Variants in CSGALNACT1 observed in about 807,000 individuals in gnomAD.
CSGALNACT1 encodes the protein chondroitin sulfate N-acetylgalactosaminyltransferase 1, also known as beta4GalNAcT-1.
In CSGALNACT1, 52 loss-of-function variants were observed where a neutral mutation model predicts 51.0. That is an observed-to-expected ratio of 1.02 (90% CI 0.82 to 1.29). The LOEUF (loss-of-function observed/expected upper bound fraction) is 1.29. Ranked by LOEUF, CSGALNACT1 falls within the 50% of genes most tolerant of loss-of-function variation. CSGALNACT1 has a pLI of 0.00. For missense variants in CSGALNACT1, 935 were observed against 679.2 expected (o/e 1.38, Z -4.19); for synonymous variants, 341 against 254.4 (o/e 1.34, Z -3.24).
At chr8:19,595,865 T>A (rs892211889) in intron 2 of CSGALNACT1, among the ~76,000 whole-genome samples, 1 of 60,768 alleles carries the variant, frequency 1.6e-5, no homozygotes, top group Non-Finnish European at 3.3e-5. Flanking sequence ...TAATGTATTT[T>A]TTTTTTTTTT....
chr8:19,463,215 G>C (rs909502407), intron 4 of CSGALNACT1, among the ~76,000 whole-genome samples: 1 of 152,054 alleles, frequency 6.6e-6, no homozygotes, highest in South Asian at 2.1e-4. Context: ...TCTTTATCCA[G>C]TCCACTGCTG....
intron 3 of CSGALNACT1, among the ~76,000 whole-genome samples, chr8:19,588,235 C>T (rs1463911170): frequency 6.6e-6 from 1 of 152,024 alleles, no homozygotes; most frequent in Non-Finnish European, 1.5e-5. Flanking sequence ...AAGATATATA[C>T]ATATACTCAC....
At chr8:19,602,057 A>T (rs1313361190) in exon 1 of CSGALNACT1, 10 of 298,280 alleles carry the variant, frequency 3.4e-5, no homozygotes, top group African/African-American at 6.7e-5. Flanking sequence ...CTATTTGTTT[A>T]AAAAAAAATC....
intron 9 of CSGALNACT1, among the ~76,000 whole-genome samples, chr8:19,407,911 G>GCGCATGTGGGCATTTGTGTATATGAAC (rs2054643128): frequency 1.7e-5 from 1 of 58,432 alleles, no homozygotes; most frequent in African/African-American, 6.0e-5. Flanking sequence ...TGAATTGTGT[G>GCGCATGTGGGCATTTGTGTATATGAAC]TGTGTGTGTG....
chr8:19,620,131 G>A (rs1256288567), intron 1 of CSGALNACT1, among the ~76,000 whole-genome samples: 2 of 151,884 alleles, frequency 1.3e-5, no homozygotes, highest in Non-Finnish European at 2.9e-5. Context: ...TGGCCAATGT[G>A]GGGAAACCCC....
At chr8:19,511,294 G>T (rs545455925) in intron 3 of CSGALNACT1, among the ~76,000 whole-genome samples, 1 of 152,242 alleles carries the variant, frequency 6.6e-6, no homozygotes, top group South Asian at 2.1e-4. Flanking sequence ...ATGGGGTCAG[G>T]AAGTGGTAGA....
At chr8:19,682,523 C>T (rs533101152) in exon 1 of CSGALNACT1, 23 of 410,262 alleles carry the variant, frequency 5.6e-5, no homozygotes, top group African/African-American at 8.2e-5. Flanking sequence ...TGCCCGGGGA[C>T]GTATGGTCTT....
At chr8:19,755,389 A>G (rs1033303270) in intron 1 of CSGALNACT1, among the ~76,000 whole-genome samples, 3 of 145,922 alleles carry the variant, frequency 2.1e-5, no homozygotes, top group Non-Finnish European at 4.5e-5. Flanking sequence ...AAGAAGAAGG[A>G]ATTTTTACAA....
chr8:19,617,212 C>G (rs114094516), intron 1 of CSGALNACT1, among the ~76,000 whole-genome samples: 401 of 152,266 alleles, frequency 2.6e-3, no homozygotes, highest in African/African-American at 8.9e-3. Flanking sequence ...AATTATCTGA[C>G]AGGAGGCAGA....
intron 1 of CSGALNACT1, among the ~76,000 whole-genome samples, chr8:19,708,121 T>C (rs1020522174): frequency 1.3e-5 from 2 of 152,220 alleles, no homozygotes; most frequent in African/African-American, 4.8e-5. Context: ...GAGGGGGAAC[T>C]GAGAACGGGA....
chr8:19,648,860 G>C (rs143508400), intron 1 of CSGALNACT1, among the ~76,000 whole-genome samples: 1 of 152,242 alleles, frequency 6.6e-6, no homozygotes, highest in African/African-American at 2.4e-5. Context: ...CAGAGAAGTG[G>C]ATAAATTATA....
intron 5 of CSGALNACT1, among the ~76,000 whole-genome samples, chr8:19,456,198 G>A (rs1349344241): frequency 6.6e-6 from 1 of 152,090 alleles, no homozygotes; most frequent in Non-Finnish European, 1.5e-5. Context: ...AAATTCTGCT[G>A]ACACTAAGGA....
intron 1 of CSGALNACT1, among the ~76,000 whole-genome samples, chr8:19,673,933 T>C (rs79035731): frequency 1.3e-5 from 2 of 152,182 alleles, no homozygotes; most frequent in Non-Finnish European, 2.9e-5. Context: ...ACTGAAAAGA[T>C]AAATGCAGAG....
chr8:19,499,077 T>G (rs1331050218), intron 4 of CSGALNACT1, among the ~76,000 whole-genome samples: 4 of 152,216 alleles, frequency 2.6e-5, no homozygotes, highest in Non-Finnish European at 5.9e-5. Flanking sequence ...ATCGTGCCAC[T>G]GCACTCCAGC....
intron 6 of CSGALNACT1, among the ~76,000 whole-genome samples, chr8:19,436,714 C>A (rs1166966519): frequency 6.6e-6 from 1 of 151,986 alleles, no homozygotes; most frequent in African/African-American, 2.4e-5. Flanking sequence ...TGAAACCAGC[C>A]TGGGAAACAT....
upstream of CSGALNACT1, among the ~76,000 whole-genome samples, chr8:19,684,748 C>T (rs541118269): frequency 2.8e-4 from 43 of 152,266 alleles, no homozygotes; most frequent in African/African-American, 9.6e-4. Flanking sequence ...AAAGCCTCTC[C>T]GTGTAAGCCT....
chr8:19,645,086 G>C (rs2057135314), intron 1 of CSGALNACT1, among the ~76,000 whole-genome samples: 1 of 152,138 alleles, frequency 6.6e-6, no homozygotes, highest in Non-Finnish European at 1.5e-5. Context: ...CAATAACCTT[G>C]ATTTTGATAT....
intron 6 of CSGALNACT1, among the ~76,000 whole-genome samples, chr8:19,423,774 T>C (rs1233046136): frequency 2.0e-5 from 3 of 152,188 alleles, no homozygotes; most frequent in Non-Finnish European, 4.4e-5. Flanking sequence ...GGCAATTTGC[T>C]TCCTTTCTCT....
In CSGALNACT1 at chr8:19,600,214, C is replaced by T. The variant is rs117751656; in HGVS notation, c.-416+1557G>A. ...TCTTCTGCCTCATCTTCCCTAGTAG[C>T]TGGGTTACAGGTATGCACCACCATG... On this transcript the variant is annotated intron_variant, in intron 2 of 9. Coordinates refer to ENST00000454498, the Ensembl canonical transcript of CSGALNACT1. 8.1e-4 allele frequency among the ~76,000 whole-genome samples: 124 copies of T among 152,212 alleles called. No individual in the cohort carries two copies. The East Asian group carries it at 0.021, about 26-fold the overall frequency.
Sources: allele counts gnomAD v4.1 joint callset (sites outside exome capture counted in the v4.1 genomes callset), GRCh38; gene constraint gnomAD v4.1.1; transcripts MANE v1.5; gene names NCBI Gene and HGNC (gene_info 2026-07-23, HGNC 2026-07-21).